The following SETX variants were observed in gnomAD, a reference collection of about 807,000 sequenced individuals.
SETX encodes helicase senataxin.
In SETX, 90 loss-of-function variants were observed where a neutral mutation model predicts 227.2. The ratio of observed to expected loss-of-function variants is 0.40; its 90% CI spans 0.33 to 0.47. SETX has a LOEUF of 0.47. Ranked by LOEUF, SETX falls within the 20% of genes least tolerant of loss-of-function variation. SETX has a pLI of 0.91. For missense variants in SETX, 3,052 were observed against 3,181.5 expected, an observed-to-expected ratio of 0.96 and a Z score of 0.98; for synonymous variants, 1,210 against 1,113.2, an observed-to-expected ratio of 1.09 and a Z score of -1.73.
intron 20 of SETX, 149 bp from the exon 21 acceptor site, chr9:132,278,406 T>TTCTGAC: frequency 1.6e-6 from 1 of 634,454 alleles, no homozygotes; most frequent in South Asian, 1.8e-5. Flanking sequence ...AAAAAGGTGT[T>TTCTGAC]TCTGACTCTG....
rs1330919125 is a variant in SETX, at chr9:132,329,502, T to C, written c.2096A>G (p.Glu699Gly). The part of the protein sequence containing the change: ...LKQSSKNIFT[E>G]RAEDQIKIST... ...TATTTTAATTTGATCTTCAGCTCTTTCAGTAAAAATGTTTTTACTACTCTG... is the reference window on the plus strand; with the variant it reads ...TATTTTAATTTGATCTTCAGCTCTTCCAGTAAAAATGTTTTTACTACTCTG... The change falls in exon 10 of 26, where the codon GAA becomes GGA. Residue 699 changes from glutamate to glycine, a missense_variant. By Grantham distance (98) the Glu-to-Gly change is moderately conservative (BLOSUM62 -2). Coordinates refer to ENST00000224140, the MANE Select transcript of SETX (RefSeq NM_015046.7). The C allele has an allele frequency of 6.8e-6, 11 of 1,612,306 alleles. No homozygotes were observed. Among genetic ancestry groups the C allele is most frequent in the Non-Finnish European group, 8.5e-6 (10 of 1,179,918 alleles).
At chr9:132,265,097 T>C (rs978433697) in intron 25 of SETX, 112 bp from the exon 26 acceptor site, 3 of 1,271,940 alleles carry the variant, frequency 2.4e-6, no homozygotes, top group African/African-American at 1.5e-5. Flanking sequence ...TGTATGAACA[T>C]ATTCTCAAGA....
chr9:132,351,581 C>G (rs1051344682), intron 2 of SETX, among the ~76,000 whole-genome samples: 1 of 152,174 alleles, frequency 6.6e-6, no homozygotes, highest in East Asian at 1.9e-4. Context: ...AATACTGCTG[C>G]AGAGCACACC....
intron 22 of SETX, among the ~76,000 whole-genome samples, chr9:132,276,104 C>G (rs1757166192): frequency 6.6e-6 from 1 of 152,148 alleles, no homozygotes. Flanking sequence ...GATGCACTGC[C>G]CCATCCCTTG....
intron 25 of SETX, among the ~76,000 whole-genome samples, chr9:132,265,229 T>TG (rs1554801944): frequency 2.1e-5 from 3 of 144,666 alleles, no homozygotes; most frequent in African/African-American, 7.9e-5. Flanking sequence ...CTTTTGTTTT[T>TG]TTTTTTTTTT....
chr9:132,346,514 T>A (rs1248363794), intron 3 of SETX, 43 bp from the exon 4 acceptor site: 2 of 1,367,842 alleles, frequency 1.5e-6, no homozygotes, highest in East Asian at 2.3e-5. Flanking sequence ...TGTCTTATCA[T>A]CAACAAAATA....
chr9:132,355,842 C>T (rs928142890), upstream of SETX, among the ~76,000 whole-genome samples: 9 of 151,982 alleles, frequency 5.9e-5, no homozygotes, highest in African/African-American at 2.2e-4. Context: ...AAAAGATTAC[C>T]TGGGCGTGGT....
chr9:132,326,360 A>G lies in SETX; in HGVS notation c.5238T>C (p.Val1746=). Residue 1746 remains valine (V), a synonymous_variant, in exon 10 of 26, where the codon GTT becomes GTC. Transcript: ENST00000224140. ...RFHNYGDYFN[V]FFPLMVLNTF... ...TATTCAATACCATCAAAGGGAAAAA[A>G]ACATTAAAATAATCTCCATAATTGT... 1 of 1,613,618 alleles carries G rather than the reference A, an allele frequency of 6.2e-7. No individual in the cohort carries two copies. Among genetic ancestry groups the G allele is most frequent in the Non-Finnish European group, 8.5e-7 (1 of 1,179,676 alleles).
intron 3 of SETX, among the ~76,000 whole-genome samples, chr9:132,347,683 A>AAG (rs1564569889): frequency 6.6e-6 from 1 of 152,060 alleles, no homozygotes; most frequent in African/African-American, 2.4e-5. Flanking sequence ...AAAAAAAAAA[A>AAG]AGAGAAGCTG....
At chr9:132,339,676 A>C (rs1398443705) in intron 5 of SETX, among the ~76,000 whole-genome samples, 1 of 152,098 alleles carries the variant, frequency 6.6e-6, no homozygotes, top group Non-Finnish European at 1.5e-5. Context: ...TCAATGTTGC[A>C]ATCTCGGCTC....
chr9:132,298,045 C>T, intron 13 of SETX, 35 bp downstream of exon 13: 1 of 1,530,250 alleles, frequency 6.5e-7, no homozygotes, highest in South Asian at 1.1e-5. Flanking sequence ...AACATCTTAA[C>T]ATGAAATTAT....
Position 132,278,181 on chromosome 9 carries a change from TTG to T in SETX, c.6729_6730del (p.His2243GlnfsTer27), listed in dbSNP as rs752122764. On this transcript the variant is annotated frameshift_variant, in exon 21 of 26. Transcript: ENST00000224140. LOFTEE classifies it high-confidence loss of function. ...TAGAATGGGCAGCCTGCTGATCATG[TTG>T]TGTTCTACATTCTCTTCCAGCAGTC... 38 of 1,614,070 alleles carry T rather than the reference TTG, an allele frequency of 2.4e-5. No individual in the cohort carries two copies. Among genetic ancestry groups the T allele is most frequent in the Non-Finnish European group, 3.2e-5 (38 of 1,180,028 alleles).
At position 132,329,750 on chromosome 9, in the gene SETX, A is replaced by G. The variant is rs1350840547; in HGVS notation, c.1848T>C (p.Pro616=). ...VDLTSACKIS[P]ASYNKEESEQ... is the part of the protein sequence containing the mutation. ...CACTTTCTTCTTTATTATAAGATGC[A>G]GGAGAGATTTTACATGCAGAAGTCA... Residue 616 remains proline, a synonymous_variant, in exon 10 of 26, where the codon CCT becomes CCC. Transcript: ENST00000224140. 1 of 1,614,136 alleles carries G rather than the reference A, an allele frequency of 6.2e-7. No homozygotes were observed. Among genetic ancestry groups the G allele is most frequent in the South Asian group, 1.1e-5 (1 of 91,080 alleles).
chr9:132,347,373 C>T lies in SETX; in HGVS notation c.178-902G>A, dbSNP rs141828625. ...TGTCGCCCAGGCTGGAGTGCAATGGCGTGGTCTCAGCTCACCGCAACCTTG... is the reference window on the plus strand; with the variant it reads ...TGTCGCCCAGGCTGGAGTGCAATGGTGTGGTCTCAGCTCACCGCAACCTTG... On this transcript the variant is annotated intron_variant, in intron 3 of 25. Coordinates refer to ENST00000224140, the MANE Select transcript of SETX (RefSeq NM_015046.7). Among the ~76,000 whole-genome samples, 49 of 151,906 alleles carry T rather than the reference C, an allele frequency of 3.2e-4. 1 individual carries two copies. The East Asian group carries it at 8.2e-3, about 25-fold the overall frequency.
rs528313984 is a variant in SETX at position 132,340,102 on chromosome 9, C to A, written c.498+2588G>T. ...CTAATACAGTCACTCATTCTCTTGG[C>A]TGTACCCACTGTATTATCTATCCCA... is the stretch of plus-strand genomic sequence containing the variant. On this transcript the variant is annotated intron_variant, in intron 5 of 25. Coordinates refer to ENST00000224140, the MANE Select transcript of SETX (RefSeq NM_015046.7). Among the ~76,000 whole-genome samples, 53 of 152,190 alleles carry A rather than the reference C, an allele frequency of 3.5e-4. 1 individual carries two copies. Among genetic ancestry groups the A allele is most frequent in the African/African-American group, 1.1e-3 (47 of 41,532 alleles).
At position 132,317,698 on chromosome 9, in the gene SETX, A is replaced by C. The variant is rs553339099; in HGVS notation, c.5275-5842T>G. ...GGCTGGTCTCAAGCTCCCAGGCTCA[A>C]ACGATCCTCTGGCCTCTGCCTCCCA... On this transcript the variant is annotated intron_variant, in intron 10 of 25. Coordinates refer to ENST00000224140, the MANE Select transcript of SETX (RefSeq NM_015046.7). 2.0e-5 allele frequency among the ~76,000 whole-genome samples: 3 copies of C among 152,144 alleles called. No individual in the cohort carries two copies. The South Asian group carries it at 6.2e-4, about 32-fold the overall frequency.
At chr9:132,274,918 G>A (rs1843079381) in intron 23 of SETX, 1 of 297,034 alleles carries the variant, frequency 3.4e-6, no homozygotes, top group Admixed American at 4.7e-5. Flanking sequence ...CAATACAAGG[G>A]TTAAATCATT....
chr9:132,324,786 A>G (rs566634361), intron 10 of SETX, among the ~76,000 whole-genome samples: 24 of 152,268 alleles, frequency 1.6e-4, no homozygotes, highest in African/African-American at 5.8e-4. Context: ...TTACCTCAAC[A>G]TTGTTGGTTT....
intron 7 of SETX, 64 bp from the exon 8 acceptor site, chr9:132,331,512 G>C: frequency 6.5e-7 from 1 of 1,539,620 alleles, no homozygotes. Context: ...ACAATATATT[G>C]AGAATTAAGC....
Sources: allele counts gnomAD v4.1 joint callset (sites outside exome capture counted in the v4.1 genomes callset), GRCh38; gene constraint gnomAD v4.1.1; transcripts MANE v1.5; gene names NCBI Gene and HGNC (gene_info 2026-07-23, HGNC 2026-07-21).